Variants in DMD observed in about 807,000 individuals in gnomAD.
DMD encodes dystrophin, also known as mutant dystrophin.
Under a neutral mutation model 330.1 loss-of-function variants are expected in DMD, and 63 were observed. The ratio of observed to expected loss-of-function variants is 0.19; its 90% CI spans 0.16 to 0.24. The LOEUF is 0.24. Ranked by LOEUF, DMD falls within the 10% of genes least tolerant of loss-of-function variation. DMD has a pLI of 1.00. For missense variants in DMD, 3,344 were observed against 2,684.1 expected, an observed-to-expected ratio of 1.25 and a Z score of -5.43; for synonymous variants, 1,223 against 959.8, an observed-to-expected ratio of 1.27 and a Z score of -5.07.
intron 23 of DMD, among the ~76,000 whole-genome samples, chrX:32,466,262 T>C (rs773470352): frequency 3.2e-4 from 36 of 111,180 alleles, no homozygotes; most frequent in Non-Finnish European, 5.8e-4. Context: ...CTGAAAATGC[T>C]GCTATGCTTT....
rs764891977 is a variant in DMD, at chrX:32,906,252, A to C, written c.94-56432T>G. Among the ~76,000 whole-genome samples the C allele has an allele frequency of 3.7e-5, 4 of 109,517 alleles. No individual in the cohort carries two copies. The East Asian group carries it at 1.2e-3, about 32-fold the overall frequency. ...ATCTGGTTGTTTAAAAGTGTGCAGC[A>C]CCTCCCCACTTGCTGTCTCTCTTGC... On this transcript the variant is annotated intron_variant, in intron 2 of 78. Coordinates refer to ENST00000357033, the MANE Select transcript of DMD (RefSeq NM_004006.3).
At chrX:31,522,984 T>C (rs1369442419) in intron 55 of DMD, among the ~76,000 whole-genome samples, 4 of 111,587 alleles carry the variant, frequency 3.6e-5, no homozygotes, top group African/African-American at 1.3e-4. Context: ...ACTTGCATCA[T>C]GCATCAGTAG....
At chrX:32,395,854 G>A (rs2098040194) in intron 30 of DMD, among the ~76,000 whole-genome samples, 1 of 111,323 alleles carries the variant, frequency 9.0e-6, no homozygotes, top group African/African-American at 3.3e-5. Flanking sequence ...ATCTAGATGA[G>A]GAATTAGTAT....
chrX:31,249,445 G>A (rs991728085), intron 63 of DMD, among the ~76,000 whole-genome samples: 2 of 110,896 alleles, frequency 1.8e-5, no homozygotes, highest in African/African-American at 3.3e-5. Flanking sequence ...GGGTTTCACC[G>A]TGTTGCCCAG....
intron 29 of DMD, among the ~76,000 whole-genome samples, chrX:32,428,715 A>G (rs139730683): frequency 0.012 from 1,335 of 111,090 alleles, 26 homozygotes; most frequent in African/African-American, 0.04. Context: ...AGATTCAAGC[A>G]ATTCTCCCAC....
intron 18 of DMD, among the ~76,000 whole-genome samples, chrX:32,513,360 G>A (rs1475646520): frequency 8.9e-6 from 1 of 112,268 alleles, no homozygotes; most frequent in Non-Finnish European, 1.9e-5. Flanking sequence ...GAGGTGATGT[G>A]GAAACTTCTA....
chrX:32,465,737 T>C (rs1352829542), intron 23 of DMD, among the ~76,000 whole-genome samples: 1 of 109,752 alleles, frequency 9.1e-6, no homozygotes, highest in East Asian at 2.9e-4. Flanking sequence ...AGGCGTGCAC[T>C]ACCATGCCCA....
chrX:32,725,788 CTATACTCAATAA>C (rs1286134839), intron 7 of DMD, among the ~76,000 whole-genome samples: 2 of 110,781 alleles, frequency 1.8e-5, no homozygotes, highest in African/African-American at 6.5e-5. Flanking sequence ...AGCAAGGTGA[CTATACTCAATAA>C]TTTAACTGTA....
In DMD at chrX:31,393,216, G is replaced by A. The variant is rs781392510; in HGVS notation, c.9085-44582C>T. ...TTCTTGGCTGGGCATGGTGGCTCAT[G>A]CCTGTCATCCCAGCACTTTGGGAGG... On this transcript the variant is annotated intron_variant, in intron 60 of 78. Transcript: ENST00000357033. Among the ~76,000 whole-genome samples, 37 of 111,772 alleles carry A rather than the reference G, an allele frequency of 3.3e-4. No individual in the cohort carries two copies. The South Asian group carries it at 7.1e-3, about 22-fold the overall frequency.
At chrX:32,828,461 C>A (rs1191945386) in intron 4 of DMD, among the ~76,000 whole-genome samples, 1 of 109,742 alleles carries the variant, frequency 9.1e-6, no homozygotes, top group Admixed American at 9.7e-5. Context: ...TACACACACA[C>A]ACACACACAC....
intron 4 of DMD, among the ~76,000 whole-genome samples, chrX:32,840,312 C>T (rs745642727): frequency 5.2e-4 from 58 of 112,029 alleles, no homozygotes; most frequent in African/African-American, 1.6e-3. Flanking sequence ...ATTCATATGA[C>T]ATCATATTCT....
intron 44 of DMD, among the ~76,000 whole-genome samples, chrX:32,033,642 AAAGAAAGAAAG>A (rs1569534657): frequency 1.6e-5 from 1 of 60,680 alleles, no homozygotes; most frequent in Non-Finnish European, 2.9e-5. Context: ...AGAAAGAAAG[AAAGAAAGAAAG>A]AAGAAAGAAA....
At chrX:31,651,543 C>T (rs1463812582) in intron 54 of DMD, among the ~76,000 whole-genome samples, 1 of 111,483 alleles carries the variant, frequency 9.0e-6, no homozygotes, top group Non-Finnish European at 1.9e-5. Flanking sequence ...CTATCTACTC[C>T]ACACATCTCC....
At position 32,111,746 on chromosome X, in the gene DMD, T is replaced by C. The variant is rs116112186; in HGVS notation, c.6438+105170A>G. Among the ~76,000 whole-genome samples the C allele has an allele frequency of 8.2e-3, 915 of 111,437 alleles. 13 individuals carry two copies. Among genetic ancestry groups the C allele is most frequent in the African/African-American group, 0.029 (876 of 30,709 alleles). On this transcript the variant is annotated intron_variant, in intron 44 of 78. Transcript: ENST00000357033. ...CCATACCTCACACAATCCCTGTGATTCCATCAGCTCTGACCGAATCATAAT... is the reference window on the plus strand; with the variant it reads ...CCATACCTCACACAATCCCTGTGATCCCATCAGCTCTGACCGAATCATAAT...
chrX:32,407,614 C>T (rs1170541831), intron 30 of DMD, among the ~76,000 whole-genome samples: 2 of 110,550 alleles, frequency 1.8e-5, no homozygotes, highest in African/African-American at 3.3e-5. Context: ...CCAGCCATCC[C>T]GTTACTGGGT....
chrX:32,996,485 G>A (rs1163566069), intron 2 of DMD, among the ~76,000 whole-genome samples: 1 of 111,421 alleles, frequency 9.0e-6, no homozygotes, highest in African/African-American at 3.3e-5. Context: ...CCAACTGTAG[G>A]AGACCGAAAT....
At chrX:31,857,361 G>A (rs2952926) in intron 48 of DMD, among the ~76,000 whole-genome samples, 16,870 of 81,117 alleles carry the variant, frequency 0.21, 1,532 homozygotes, top group South Asian at 0.25. Flanking sequence ...CCTGGGTGAT[G>A]GAGCAAGACT....
intron 44 of DMD, among the ~76,000 whole-genome samples, chrX:32,068,271 T>C (rs1232387669): frequency 9.0e-6 from 1 of 111,315 alleles, no homozygotes; most frequent in Non-Finnish European, 1.9e-5. Context: ...GTCAGATGCA[T>C]AACTTGCAAA....
chrX:31,121,458 GTTTGT>G lies in DMD; in HGVS notation c.*456_*460del, dbSNP rs1307665984. ...TGTGTGTGTATGTGTGTGTGTGTGT[GTTTGT>G]TTTGTTTTTAGGGGTTTTTATAAAC... On this transcript the variant is annotated 3_prime_UTR_variant, in exon 79 of 79. Transcript: ENST00000357033. 4.9e-5 allele frequency: 8 copies of G among 163,424 alleles called. No individual in the cohort carries two copies. The South Asian group carries it at 7.9e-4, about 16-fold the overall frequency. 13.5% of individuals were successfully genotyped at this position (163,424 alleles called of 1,213,427 possible). A position where few individuals can be genotyped will look rare whatever the true frequency, so the allele number is the denominator to read the frequency against.
Sources: gnomAD v4.1 joint callset for allele counts (sites outside exome capture counted in the v4.1 genomes callset) on GRCh38, gnomAD v4.1.1 for gene constraint, MANE v1.5 for transcripts, NCBI Gene and HGNC (gene_info 2026-07-23, HGNC 2026-07-21) for gene names.